The following AP3B1 variants were observed in gnomAD, a reference collection of about 807,000 sequenced individuals.
AP3B1 encodes AP-3 complex subunit beta-1.
A neutral mutation model predicts 132.5 loss-of-function variants in AP3B1; 61 were observed. The observed-to-expected ratio is 0.46, with a 90% CI of 0.37 to 0.57. The LOEUF (loss-of-function observed/expected upper bound fraction) is 0.57, where lower values mean the gene tolerates loss of function less well. Among genes scored for constraint, AP3B1 ranks in the 20% least tolerant of loss-of-function variants. The pLI is 0.00. For synonymous variants in AP3B1, 388 were observed against 438.3 expected, an observed-to-expected ratio of 0.89 and a Z score of 1.43; for missense variants, 1,120 against 1,289.4, an observed-to-expected ratio of 0.87 and a Z score of 2.01.
intron 17 of AP3B1, among the ~76,000 whole-genome samples, chr5:78,118,678 G>T (rs1361254799): frequency 1.3e-5 from 2 of 152,250 alleles, no homozygotes; most frequent in African/African-American, 4.8e-5. Context: ...CAGCCAGGAA[G>T]CTCGAACTGG....
intron 1 of AP3B1, among the ~76,000 whole-genome samples, chr5:78,294,006 G>T (rs1175848186): frequency 6.6e-6 from 1 of 151,922 alleles, no homozygotes; most frequent in Admixed American, 6.5e-5. Flanking sequence ...ACACTCCGGG[G>T]TCACAAAATA....
chr5:78,019,883 T>C (rs1747018270), intron 25 of AP3B1, among the ~76,000 whole-genome samples: 1 of 152,076 alleles, frequency 6.6e-6, no homozygotes, highest in African/African-American at 2.4e-5. Flanking sequence ...GAAGGGATCT[T>C]TGATAACACC....
At chr5:78,000,819 G>A (rs750131715), downstream of AP3B1, 1 of 152,112 alleles carries the variant, frequency 6.6e-6, no homozygotes, top group African/African-American at 2.4e-5. Flanking sequence ...AAGGAAATAT[G>A]AGGCAAGGAA....
At chr5:78,189,053 A>G (rs1744717928) in intron 7 of AP3B1, among the ~76,000 whole-genome samples, 1 of 152,128 alleles carries the variant, frequency 6.6e-6, no homozygotes, top group Admixed American at 6.6e-5. Flanking sequence ...GCGAGGGAAC[A>G]ACACTTACTG....
chr5:78,011,282 G>C (rs1272837640), intron 26 of AP3B1, among the ~76,000 whole-genome samples: 1 of 152,060 alleles, frequency 6.6e-6, no homozygotes, highest in Non-Finnish European at 1.5e-5. Context: ...CTGACCTCAA[G>C]TGATCTGCCT....
At chr5:78,201,271 A>G (rs1745278065) in intron 7 of AP3B1, among the ~76,000 whole-genome samples, 1 of 152,214 alleles carries the variant, frequency 6.6e-6, no homozygotes, top group African/African-American at 2.4e-5. Flanking sequence ...ACCAAAATAT[A>G]TCCACCTTAT....
chr5:78,084,571 A>G (rs919070059), intron 22 of AP3B1, among the ~76,000 whole-genome samples: 1 of 151,038 alleles, frequency 6.6e-6, no homozygotes, highest in Non-Finnish European at 1.5e-5. Flanking sequence ...AGGAAGAGGA[A>G]AAGGAAAAGG....
At chr5:78,206,602 C>CCTTA (rs1745514161) in intron 7 of AP3B1, among the ~76,000 whole-genome samples, 1 of 151,968 alleles carries the variant, frequency 6.6e-6, no homozygotes, top group Admixed American at 6.6e-5. Context: ...TCACTCAACA[C>CCTTA]GTTACTAAGA....
intron 22 of AP3B1, among the ~76,000 whole-genome samples, chr5:78,062,000 C>T (rs1248657667): frequency 6.6e-6 from 1 of 152,218 alleles, no homozygotes; most frequent in African/African-American, 2.4e-5. Flanking sequence ...ACCTGAAAAT[C>T]CTGCTGACAG....
chr5:78,102,229 G>A (rs1198206676), intron 20 of AP3B1, among the ~76,000 whole-genome samples: 2 of 152,062 alleles, frequency 1.3e-5, no homozygotes, highest in African/African-American at 4.8e-5. Context: ...TCCTACAACA[G>A]TGCACATACA....
chr5:78,051,344 A>T (rs1344149782), intron 22 of AP3B1, among the ~76,000 whole-genome samples: 1 of 152,176 alleles, frequency 6.6e-6, no homozygotes, highest in African/African-American at 2.4e-5. Flanking sequence ...CTGGTAATGG[A>T]CCATATTATC....
intron 26 of AP3B1, among the ~76,000 whole-genome samples, chr5:78,012,433 A>G (rs1442406731): frequency 6.6e-6 from 1 of 152,222 alleles, no homozygotes; most frequent in Non-Finnish European, 1.5e-5. Context: ...TACACAGGAT[A>G]ATAATTTATG....
At chr5:78,102,006 T>C (rs1751149113) in intron 20 of AP3B1, among the ~76,000 whole-genome samples, 1 of 152,252 alleles carries the variant, frequency 6.6e-6, no homozygotes, top group African/African-American at 2.4e-5. Flanking sequence ...ATGTATAGAA[T>C]TTTAAATATA....
At chr5:78,096,025 C>T (rs1035454294) in intron 21 of AP3B1, among the ~76,000 whole-genome samples, 1 of 152,138 alleles carries the variant, frequency 6.6e-6, no homozygotes, top group Admixed American at 6.5e-5. Flanking sequence ...TCTCCCTTTC[C>T]CTCTCCCTCT....
intron 2 of AP3B1, among the ~76,000 whole-genome samples, chr5:78,266,106 C>T (rs184962423): frequency 7.1e-6 from 1 of 140,268 alleles, no homozygotes; most frequent in East Asian, 2.0e-4. Flanking sequence ...TTGTAATTTA[C>T]AAGTTATTTG....
Position 78,128,057 on chromosome 5 carries a change from T to G in AP3B1, c.1941A>C (p.Ser647=). The G allele has an allele frequency of 1.2e-6, 2 of 1,613,356 alleles. No homozygotes were observed. Among genetic ancestry groups the G allele is most frequent in the Non-Finnish European group, 1.7e-6 (2 of 1,179,368 alleles). Residue 647 remains serine, a synonymous_variant, in exon 17 of 27, where the codon TCA becomes TCC. Transcript: ENST00000255194. ...ACTCTATTACTTCTACATTTCGAACTGATGGGTCGGGCGCCACCTCTGGCC... is the reference window on the plus strand; with the variant it reads ...ACTCTATTACTTCTACATTTCGAACGGATGGGTCGGGCGCCACCTCTGGCC... ...SNWPEVAPDP[S]VRNVEVIELA...
chr5:78,146,158 G>A (rs911044885), intron 14 of AP3B1, among the ~76,000 whole-genome samples: 8 of 152,160 alleles, frequency 5.3e-5, no homozygotes, highest in African/African-American at 1.9e-4. Context: ...ATAAAACACT[G>A]CTTTTATTTC....
In AP3B1 at chr5:78,111,678, T is replaced by C. The variant is rs142074811; in HGVS notation, c.2250-1324A>G. 5.9e-3 allele frequency among the ~76,000 whole-genome samples: 897 copies of C among 152,264 alleles called. 4 individuals carry two copies. The highest frequency in any genetic ancestry group is 9.3e-3 in the Admixed American group (142 of 15,298). On this transcript the variant is annotated intron_variant, in intron 19 of 26. Transcript: ENST00000255194. ...GACCAAACACCCTTCTCTCAGGGGA[T>C]GACAAATGCCTTGTGGTGCTTTATA...
intron 17 of AP3B1, among the ~76,000 whole-genome samples, chr5:78,126,504 C>CAAAAAAAAAAAAAA (rs70997969): frequency 6.4e-5 from 4 of 62,398 alleles, no homozygotes; most frequent in African/African-American, 2.3e-4. Flanking sequence ...GACTCTGTCT[C>CAAAAAAAAAAAAAA]AAAAAAAAAA....
Sources: allele counts gnomAD v4.1 joint callset (sites outside exome capture counted in the v4.1 genomes callset), GRCh38; gene constraint gnomAD v4.1.1; transcripts MANE v1.5; gene names NCBI Gene and HGNC (gene_info 2026-07-23, HGNC 2026-07-21).